The following ANKRD55 variants were observed in gnomAD, a reference collection of about 807,000 sequenced individuals.
ANKRD55 encodes ankyrin repeat domain-containing protein 55.
ANKRD55 carries 41 observed loss-of-function variants against 60.6 expected under a neutral mutation model. That is an observed-to-expected ratio of 0.68 (90% CI 0.53 to 0.88). The LOEUF is 0.88. Among genes scored for constraint, ANKRD55 ranks in the 40% least tolerant of loss-of-function variants. The pLI, the probability that ANKRD55 is intolerant of heterozygous loss-of-function variation, is 0.00. For missense variants in ANKRD55, 732 were observed against 767.6 expected (o/e 0.95, Z 0.55); for synonymous variants, 264 against 290.3 (o/e 0.91, Z 0.92).
chr5:56,153,038 C>T (rs1758094870), intron 6 of ANKRD55, among the ~76,000 whole-genome samples: 1 of 152,126 alleles, frequency 6.6e-6, no homozygotes, highest in Admixed American at 6.5e-5. Context: ...TACAACCCAA[C>T]AGCAAAGCAT....
intron 2 of ANKRD55, among the ~76,000 whole-genome samples, chr5:56,230,346 G>T (rs1050865795): frequency 1.3e-5 from 2 of 152,164 alleles, no homozygotes; most frequent in African/African-American, 4.8e-5. Context: ...GCCCACCTCG[G>T]CCTCCCAAAG....
intron 6 of ANKRD55, among the ~76,000 whole-genome samples, chr5:56,152,700 C>T (rs1179987381): frequency 6.6e-6 from 1 of 152,024 alleles, no homozygotes; most frequent in South Asian, 2.1e-4. Flanking sequence ...CAGTGTTAAC[C>T]GCAGTGTGGA....
chr5:56,127,186 A>C (rs562724825), intron 7 of ANKRD55, 80 bp from the exon 8 acceptor site: 1 of 1,347,236 alleles, frequency 7.4e-7, no homozygotes, highest in East Asian at 2.7e-5. Context: ...ATAAAAATAC[A>C]AAGGAAAAAA....
chr5:56,141,075 C>A (rs950822214), intron 7 of ANKRD55, among the ~76,000 whole-genome samples: 15 of 149,160 alleles, frequency 1.0e-4, no homozygotes, highest in Non-Finnish European at 1.9e-4. Context: ...AAAAATATAT[C>A]TATCTATATA....
chr5:56,124,146 A>T (rs1452945362), intron 8 of ANKRD55, among the ~76,000 whole-genome samples: 5 of 152,218 alleles, frequency 3.3e-5, no homozygotes, highest in African/African-American at 1.2e-4. Context: ...TTCCTCTCTG[A>T]AGACAAGTAA....
intron 2 of ANKRD55, among the ~76,000 whole-genome samples, chr5:56,209,463 T>C (rs1759603278): frequency 7.1e-6 from 1 of 140,276 alleles, no homozygotes; most frequent in African/African-American, 3.0e-5. Context: ...TTTACATGTA[T>C]ATCTTTTTTT....
At chr5:56,137,692 A>ACTAGGTT (rs750684193) in intron 7 of ANKRD55, among the ~76,000 whole-genome samples, 170 of 152,332 alleles carry the variant, frequency 1.1e-3, no homozygotes, top group Middle Eastern at 3.4e-3. Context: ...GATTTCATTA[A>ACTAGGTT]AATCAAAAAC....
At chr5:56,164,377 T>C (rs569387917) in intron 5 of ANKRD55, among the ~76,000 whole-genome samples, 1 of 152,088 alleles carries the variant, frequency 6.6e-6, no homozygotes, top group African/African-American at 2.4e-5. Flanking sequence ...GCTGCCTGTA[T>C]TAGAGTGTGC....
intron 2 of ANKRD55, chr5:56,192,893 C>A: frequency 1.6e-6 from 1 of 641,794 alleles, no homozygotes. Flanking sequence ...CCAGCGTTGT[C>A]TAAAAGTATT....
chr5:56,162,885 AG>A (rs1192046694), intron 5 of ANKRD55, among the ~76,000 whole-genome samples: 2 of 152,152 alleles, frequency 1.3e-5, no homozygotes, highest in African/African-American at 2.4e-5. Flanking sequence ...TATATTGCCC[AG>A]GCTGGTCTTG....
chr5:56,104,779 A>C (rs187376099), intron 10 of ANKRD55, among the ~76,000 whole-genome samples: 50 of 152,034 alleles, frequency 3.3e-4, no homozygotes, highest in African/African-American at 1.2e-3. Context: ...TCAGGAGGGG[A>C]TTGCAATTGA....
intron 2 of ANKRD55, among the ~76,000 whole-genome samples, chr5:56,199,563 A>G (rs1204724865): frequency 6.7e-6 from 1 of 150,272 alleles, no homozygotes; most frequent in Non-Finnish European, 1.5e-5. Context: ...AATGCATAAG[A>G]TAAATTACCA....
At chr5:56,176,121 C>G (rs1758731350) in intron 4 of ANKRD55, 31 bp downstream of exon 4, 1 of 1,613,728 alleles carries the variant, frequency 6.2e-7, no homozygotes, top group Non-Finnish European at 8.5e-7. Flanking sequence ...TACCCTGCTC[C>G]TTCCACCCTG....
intron 3 of ANKRD55, among the ~76,000 whole-genome samples, chr5:56,177,092 C>T (rs1418990176): frequency 6.6e-6 from 1 of 152,140 alleles, no homozygotes; most frequent in Non-Finnish European, 1.5e-5. Context: ...GAAAGAACAC[C>T]GAGTTCAGAG....
intron 2 of ANKRD55, among the ~76,000 whole-genome samples, chr5:56,227,263 T>G (rs1760139172): frequency 6.8e-6 from 1 of 146,572 alleles, no homozygotes; most frequent in Non-Finnish European, 1.5e-5. Flanking sequence ...CCACATGTTC[T>G]CACTCATAGG....
chr5:56,132,027 A>G (rs1171230343), intron 7 of ANKRD55, among the ~76,000 whole-genome samples: 1 of 151,818 alleles, frequency 6.6e-6, no homozygotes, highest in South Asian at 2.1e-4. Flanking sequence ...ATCTATATAC[A>G]TATATATAAG....
At chr5:56,210,942 A>G (rs1280681549) in intron 2 of ANKRD55, among the ~76,000 whole-genome samples, 2 of 152,084 alleles carry the variant, frequency 1.3e-5, no homozygotes, top group Admixed American at 1.3e-4. Flanking sequence ...TATATACTCA[A>G]TCATTATTGA....
intron 2 of ANKRD55, among the ~76,000 whole-genome samples, chr5:56,216,984 T>G (rs1759828649): frequency 6.6e-6 from 1 of 152,226 alleles, no homozygotes; most frequent in Admixed American, 6.5e-5. Flanking sequence ...AGATGCCACC[T>G]AGGACTTTCA....
At chr5:56,127,552 G>A in intron 7 of ANKRD55, 2 of 985,234 alleles carry the variant, frequency 2.0e-6, no homozygotes, top group Non-Finnish European at 2.4e-6. Context: ...GATGAGTACT[G>A]ATTGGTGGCG....
Sources: allele counts gnomAD v4.1 joint callset (sites outside exome capture counted in the v4.1 genomes callset), GRCh38; gene constraint gnomAD v4.1.1; transcripts MANE v1.5; gene names NCBI Gene and HGNC (gene_info 2026-07-23, HGNC 2026-07-21).